DPP10: variants seen among roughly 807,000 people sequenced by gnomAD.
DPP10 encodes inactive dipeptidyl peptidase 10.
DPP10 carries 33 observed loss-of-function variants against 120.9 expected under a neutral mutation model. The observed-to-expected ratio is 0.27, with a 90% CI of 0.21 to 0.37. The LOEUF is 0.37. Among genes scored for constraint, DPP10 ranks in the 10% least tolerant of loss-of-function variants. The pLI is 1.00. For missense variants in DPP10, 816 were observed against 942.8 expected (o/e 0.87, Z 1.76); for synonymous variants, 337 against 326.1 (o/e 1.03, Z -0.36).
At chr2:114,713,400 G>C (rs1020817287) in intron 1 of DPP10, among the ~76,000 whole-genome samples, 25 of 152,156 alleles carry the variant, frequency 1.6e-4, no homozygotes, top group African/African-American at 5.8e-4. Flanking sequence ...TGTATAGACA[G>C]ACTGTTCTCC....
At chr2:115,333,782 C>T (rs2062912655) in intron 2 of DPP10, among the ~76,000 whole-genome samples, 1 of 152,008 alleles carries the variant, frequency 6.6e-6, no homozygotes, top group East Asian at 1.9e-4. Flanking sequence ...AGGGTTTCTG[C>T]CGAGAGATCC....
At chr2:114,785,342 C>T (rs1277831708) in intron 1 of DPP10, among the ~76,000 whole-genome samples, 1 of 151,906 alleles carries the variant, frequency 6.6e-6, no homozygotes, top group East Asian at 1.9e-4. Flanking sequence ...CTTAGGTGTC[C>T]CTCTGCCTGC....
At chr2:114,666,243 A>G (rs1697912895) in intron 1 of DPP10, among the ~76,000 whole-genome samples, 1 of 152,236 alleles carries the variant, frequency 6.6e-6, no homozygotes, top group Non-Finnish European at 1.5e-5. Context: ...ATATGTGGAT[A>G]TAAAATGTGT....
intron 1 of DPP10, among the ~76,000 whole-genome samples, chr2:114,498,284 A>C (rs1416096875): frequency 6.6e-6 from 1 of 151,976 alleles, no homozygotes. Flanking sequence ...CCTATTTGAA[A>C]CTTGGTACCC....
chr2:115,588,372 C>T (rs1432767888), intron 5 of DPP10, among the ~76,000 whole-genome samples: 1 of 152,098 alleles, frequency 6.6e-6, no homozygotes, highest in African/African-American at 2.4e-5. Context: ...TTTCAAAAAT[C>T]ATTCAGTCTA....
chr2:114,959,952 A>T (rs1383605843), intron 1 of DPP10, among the ~76,000 whole-genome samples: 1 of 152,166 alleles, frequency 6.6e-6, no homozygotes, highest in South Asian at 2.1e-4. Flanking sequence ...AGACACCAGC[A>T]GTGTTTGAGG....
At chr2:115,148,511 T>A (rs1266106613) in intron 1 of DPP10, among the ~76,000 whole-genome samples, 1 of 152,214 alleles carries the variant, frequency 6.6e-6, no homozygotes, top group Non-Finnish European at 1.5e-5. Context: ...AGCAATTTTA[T>A]AGCTGTACAT....
At chr2:115,769,447 A>G (rs1318936345) in intron 13 of DPP10, among the ~76,000 whole-genome samples, 22 of 152,090 alleles carry the variant, frequency 1.4e-4, no homozygotes, top group Non-Finnish European at 1.0e-4. Context: ...TTTAAAATTT[A>G]AAACTTGTTC....
In DPP10 at chr2:115,376,469, CAA is replaced by C. The variant is rs1459480940; in HGVS notation, c.271+32558_271+32559del. On this transcript the variant is annotated intron_variant, in intron 3 of 25. Coordinates refer to ENST00000410059, the MANE Select transcript of DPP10 (RefSeq NM_020868.6). Reference sequence around the variant, plus strand: ...TCCCTTTCCTTTTGTGCTGCTCTTCCAAGATGGCATTCAGAATTTGAATTTCA... The same window carrying C: ...TCCCTTTCCTTTTGTGCTGCTCTTCCGATGGCATTCAGAATTTGAATTTCA... Among the ~76,000 whole-genome samples the C allele has an allele frequency of 4.0e-5, 6 of 151,582 alleles. 1 individual carries two copies. In the East Asian group the frequency reaches 1.2e-3, roughly 29 times the overall value.
At chr2:114,477,948 CATATATGTGTGTATATGT>C (rs1573444222) in intron 1 of DPP10, among the ~76,000 whole-genome samples, 4 of 146,992 alleles carry the variant, frequency 2.7e-5, no homozygotes, top group East Asian at 4.0e-4. Context: ...TATATATGTA[CATATATGTGTGTATATGT>C]ATATATGTGT....
At chr2:115,593,550 C>G (rs1243283409) in intron 5 of DPP10, among the ~76,000 whole-genome samples, 3 of 148,544 alleles carry the variant, frequency 2.0e-5, no homozygotes, top group African/African-American at 7.6e-5. Context: ...TAATTCCAAG[C>G]CAGAAAAATG....
intron 1 of DPP10, among the ~76,000 whole-genome samples, chr2:114,492,689 A>G (rs1682111953): frequency 1.3e-5 from 2 of 152,218 alleles, no homozygotes; most frequent in African/African-American, 4.8e-5. Flanking sequence ...TGCTTTCCAT[A>G]CGCAATTCAT....
intron 3 of DPP10, among the ~76,000 whole-genome samples, chr2:115,437,234 T>A (rs1426189878): frequency 6.6e-6 from 1 of 152,060 alleles, no homozygotes; most frequent in Non-Finnish European, 1.5e-5. Flanking sequence ...TTCTACTGAA[T>A]TAACTCTCTT....
intron 2 of DPP10, among the ~76,000 whole-genome samples, chr2:115,337,167 A>T (rs2063191074): frequency 6.6e-6 from 1 of 151,514 alleles, no homozygotes; most frequent in African/African-American, 2.4e-5. Context: ...AAATTCCTAC[A>T]TTTTAGTGAA....
chr2:115,707,805 C>T (rs1421426907), intron 7 of DPP10, among the ~76,000 whole-genome samples: 1 of 151,710 alleles, frequency 6.6e-6, no homozygotes, highest in African/African-American at 2.4e-5. Context: ...TGTTACTTAG[C>T]ATGTTATTAT....
intron 3 of DPP10, among the ~76,000 whole-genome samples, chr2:115,458,524 A>G (rs772262059): frequency 5.9e-5 from 9 of 152,210 alleles, no homozygotes; most frequent in Non-Finnish European, 1.2e-4. Context: ...TTGACTCTCG[A>G]AAAGAAAGAA....
chr2:114,924,395 T>A (rs1438368123), intron 1 of DPP10, among the ~76,000 whole-genome samples: 1 of 151,946 alleles, frequency 6.6e-6, no homozygotes, highest in Non-Finnish European at 1.5e-5. Flanking sequence ...GGCATGGTGG[T>A]GTGTGCCGTT....
At chr2:115,038,669 C>A (rs1167307460) in intron 1 of DPP10, among the ~76,000 whole-genome samples, 1 of 152,178 alleles carries the variant, frequency 6.6e-6, no homozygotes, top group Admixed American at 6.5e-5. Flanking sequence ...ACCACTTTTA[C>A]TACGTATTGA....
intron 1 of DPP10, among the ~76,000 whole-genome samples, chr2:114,510,245 C>A (rs974130164): frequency 1.3e-5 from 2 of 152,204 alleles, no homozygotes; most frequent in African/African-American, 4.8e-5. Flanking sequence ...ACTTCCTTTT[C>A]TTTTCTCAAC....
Sources: gnomAD v4.1 joint callset for allele counts (sites outside exome capture counted in the v4.1 genomes callset) on GRCh38, gnomAD v4.1.1 for gene constraint, MANE v1.5 for transcripts, NCBI Gene and HGNC (gene_info 2026-07-23, HGNC 2026-07-21) for gene names.